Variants in BEGAIN observed in about 807,000 individuals in gnomAD.
The protein encoded by BEGAIN is brain enriched guanylate kinase associated.
A neutral mutation model predicts 35.8 loss-of-function variants in BEGAIN; 19 were observed. The observed-to-expected ratio is 0.53, with a 90% CI of 0.37 to 0.78. The LOEUF is 0.78. Among genes scored for constraint, BEGAIN ranks in the 30% least tolerant of loss-of-function variants. The pLI is 0.00. For missense variants in BEGAIN, 795 were observed against 853.6 expected, an observed-to-expected ratio of 0.93 and a Z score of 0.85; for synonymous variants, 462 against 388.6, an observed-to-expected ratio of 1.19 and a Z score of -2.22.
intron 3 of BEGAIN, 144 bp downstream of exon 3, chr14:100,546,356 GC>G (rs1183106875): frequency 1.6e-5 from 1 of 62,080 alleles, no homozygotes; most frequent in East Asian, 1.4e-4. Context: ...CCCTCGCCCC[GC>G]CCCGGCCCTC....
Position 100,538,172 on chromosome 14 carries a change from G to T in BEGAIN, c.1636C>A (p.Gln546Lys). ...EGGDGDRLGV[Q>K]LCGTASSPEP... Reference sequence around the variant, plus strand: ...GGGCTGCTGGCGGTCCCACACAGCTGCACCCCGAGCCTGTCCCCGTCCCCC... The same window carrying T: ...GGGCTGCTGGCGGTCCCACACAGCTTCACCCCGAGCCTGTCCCCGTCCCCC... The change falls in exon 7 of 7, where the codon CAG becomes AAG. Residue 546 changes from glutamine to lysine, a missense_variant. This residue lies in a region of BEGAIN where 664 missense variants were observed against 647.7 expected (regional missense o/e 1.03). Coordinates refer to ENST00000554140, the MANE Select transcript of BEGAIN (RefSeq NM_001385089.1). The T allele has an allele frequency of 6.5e-7, 1 of 1,531,608 alleles. No individual in the cohort carries two copies. Among genetic ancestry groups the T allele is most frequent in the South Asian group, 1.2e-5 (1 of 80,748 alleles). 94.9% of individuals were successfully genotyped at this position (1,531,608 alleles called of 1,614,324 possible). A position where few individuals can be genotyped will look rare whatever the true frequency, so the allele number is the denominator to read the frequency against.
At chr14:100,554,420 C>G (rs1398486860) in intron 2 of BEGAIN, among the ~76,000 whole-genome samples, 1 of 152,168 alleles carries the variant, frequency 6.6e-6, no homozygotes, top group Non-Finnish European at 1.5e-5. Context: ...CCTGGCCCCA[C>G]AGTGTCATGC....
intron 2 of BEGAIN, among the ~76,000 whole-genome samples, chr14:100,559,240 T>C (rs2034029377): frequency 6.6e-6 from 1 of 151,910 alleles, no homozygotes; most frequent in Admixed American, 6.6e-5. Context: ...CTGCCTGGGC[T>C]CCTCTTTCCC....
rs1294699530 is a variant in BEGAIN, at chr14:100,573,888, T to C, written c.43-5949A>G. 6.8e-6 allele frequency among the ~76,000 whole-genome samples: 1 copy of C among 147,942 alleles called. No homozygotes were observed. The highest frequency in any genetic ancestry group is 1.5e-5 in the Non-Finnish European group (1 of 66,824). ...GGGGCTGGGACAGAGCCCGGGACTC[T>C]GCCACTGTTGGGGATCAGGAGGTGA... On this transcript the variant is annotated intron_variant, in intron 1 of 6. Transcript: ENST00000554140. This position sits in a 1 kb window ranked among gnomAD's most constrained non-coding sequence, Gnocchi z 4.2.
intron 5 of BEGAIN, among the ~76,000 whole-genome samples, chr14:100,541,871 A>G (rs997512969): frequency 2.0e-5 from 3 of 152,118 alleles, no homozygotes; most frequent in African/African-American, 7.2e-5. Flanking sequence ...CTCACGGGAC[A>G]CTCTGGCAGA....
At chr14:100,574,865 A>T (rs2035169292) in intron 1 of BEGAIN, among the ~76,000 whole-genome samples, 1 of 152,198 alleles carries the variant, frequency 6.6e-6, no homozygotes, top group African/African-American at 2.4e-5. Context: ...GGGTGCTGTC[A>T]TGACCCCACC....
chr14:100,576,135 A>C (rs1257196603), intron 1 of BEGAIN, among the ~76,000 whole-genome samples: 1 of 152,034 alleles, frequency 6.6e-6, no homozygotes, highest in African/African-American at 2.4e-5. Context: ...GACCCTCGAG[A>C]TGCACTTCCA....
Position 100,571,372 on chromosome 14 carries a change from C to T in BEGAIN, c.43-3433G>A, listed in dbSNP as rs76576909. Among the ~76,000 whole-genome samples the T allele has an allele frequency of 6.5e-3, 990 of 152,292 alleles. 11 individuals carry two copies. Among genetic ancestry groups the T allele is most frequent in the African/African-American group, 0.023 (949 of 41,558 alleles). ...CTCCCAGCTGCCTCCCTCCCACCTA[C>T]TACTTCCTTTTCTTACTAGCGATGG... On this transcript the variant is annotated intron_variant, in intron 1 of 6. Coordinates refer to ENST00000554140, the MANE Select transcript of BEGAIN (RefSeq NM_001385089.1).
In BEGAIN at chr14:100,539,131, A is replaced by G. The variant is rs1392980214; in HGVS notation, c.677T>C (p.Leu226Pro). The G allele has an allele frequency of 6.2e-7, 1 of 1,605,084 alleles. No individual in the cohort carries two copies. The highest frequency in any genetic ancestry group is 8.5e-7 in the Non-Finnish European group (1 of 1,174,114). Residue 226 changes from leucine (L) to proline (P), a missense_variant, in exon 7 of 7, where the codon CTG (leucine) becomes CCG (proline). By Grantham distance (98) the Leu-to-Pro change is moderately conservative. Coordinates refer to ENST00000554140, the MANE Select transcript of BEGAIN (RefSeq NM_001385089.1). ...SRLSDASARD[L>P]AFCDGVEKPG... ...TTTCTCCACCCCGTCGCAGAAGGCCAGGTCGCGGGCGGAGGCATCGGACAG... is the reference window on the plus strand; with the variant it reads ...TTTCTCCACCCCGTCGCAGAAGGCCGGGTCGCGGGCGGAGGCATCGGACAG...
At chr14:100,571,006 T>G (rs986124547) in intron 1 of BEGAIN, among the ~76,000 whole-genome samples, 1 of 151,920 alleles carries the variant, frequency 6.6e-6, no homozygotes, top group African/African-American at 2.4e-5. Context: ...GTTCCCACTG[T>G]GAAGTGAGGG....
intron 2 of BEGAIN, among the ~76,000 whole-genome samples, chr14:100,553,719 C>T (rs2033428812): frequency 6.6e-6 from 1 of 152,206 alleles, no homozygotes; most frequent in Admixed American, 6.5e-5. Flanking sequence ...CTGAAGGTCC[C>T]TCTCTTCCTC....
rs2031009013 is a variant in BEGAIN, at chr14:100,538,656, G to C, written c.1152C>G (p.Ala384=). 6 of 1,550,186 alleles carry C rather than the reference G, an allele frequency of 3.9e-6. No homozygotes were observed. Among genetic ancestry groups the C allele is most frequent in the African/African-American group, 1.4e-5 (1 of 73,110 alleles). ...AVAAPLEAEV[A]PGFGRTMSPY... ...GTGACATGGTCCGCCCGAAGCCTGG[G>C]GCCACTTCGGCCTCCAGCGGGGCCG... Residue 384 remains alanine, a synonymous_variant, in exon 7 of 7, where the codon GCC becomes GCG. Coordinates refer to ENST00000554140, the MANE Select transcript of BEGAIN (RefSeq NM_001385089.1).
chr14:100,567,837 T>G lies in BEGAIN; in HGVS notation c.71+74A>C. On this transcript the variant is annotated intron_variant, in intron 2 of 6. Transcript: ENST00000554140. This position sits in a 1 kb window ranked among gnomAD's most constrained non-coding sequence, Gnocchi z 5.1. The stretch of plus-strand genomic sequence containing the variant: ...GGGATGCGCTCGGGTGGAGCCCCCT[T>G]CCCCCGCCTTCCCCAGCGCCCTCAC... 1 of 1,401,584 alleles carries G rather than the reference T, an allele frequency of 7.1e-7. No homozygotes were observed. Among genetic ancestry groups the G allele is most frequent in the African/African-American group, 1.5e-5 (1 of 65,024 alleles). 86.8% of individuals were successfully genotyped at this position (1,401,584 alleles called of 1,614,324 possible).
At chr14:100,572,123 G>A (rs7493817) in intron 1 of BEGAIN, among the ~76,000 whole-genome samples, 34,493 of 152,064 alleles carry the variant, frequency 0.23, 4,079 homozygotes, top group South Asian at 0.27. Flanking sequence ...AACACCATCC[G>A]CGTCCCTTCT....
intron 2 of BEGAIN, among the ~76,000 whole-genome samples, chr14:100,555,277 G>C (rs2033601662): frequency 1.3e-5 from 2 of 152,366 alleles, no homozygotes; most frequent in South Asian, 4.1e-4. Flanking sequence ...GGAAACCCGG[G>C]CTGGGTGGGC....
chr14:100,558,810 T>C lies in BEGAIN; in HGVS notation c.71+9101A>G, dbSNP rs1375067739. ...TTCAAGTGACTGCCGCACAGCCCCA[T>C]GGCAGTCTCAGCTACTCTCATCTGC... On this transcript the variant is annotated intron_variant, in intron 2 of 6. Transcript: ENST00000554140. This position sits in a 1 kb window ranked among gnomAD's most constrained non-coding sequence, Gnocchi z 4.6. 1.3e-5 allele frequency among the ~76,000 whole-genome samples: 2 copies of C among 152,160 alleles called. No individual in the cohort carries two copies. The highest frequency in any genetic ancestry group is 4.8e-5 in the African/African-American group (2 of 41,444).
At chr14:100,553,895 C>T (rs548971067) in intron 2 of BEGAIN, among the ~76,000 whole-genome samples, 1 of 152,278 alleles carries the variant, frequency 6.6e-6, no homozygotes, top group East Asian at 1.9e-4. Context: ...CCTGGCTCCC[C>T]ACTGCCCTAC....
At chr14:100,554,172 A>G (rs1444699690) in intron 2 of BEGAIN, among the ~76,000 whole-genome samples, 3 of 152,230 alleles carry the variant, frequency 2.0e-5, no homozygotes, top group Admixed American at 6.5e-5. Flanking sequence ...TGCTGAGGAC[A>G]TGGGAGCCCG....
In BEGAIN at chr14:100,574,804, C is replaced by T. The variant is rs147035703; in HGVS notation, c.43-6865G>A. 2.3e-4 allele frequency among the ~76,000 whole-genome samples: 35 copies of T among 152,236 alleles called. 1 individual carries two copies. The East Asian group carries it at 6.0e-3, about 26-fold the overall frequency. On this transcript the variant is annotated intron_variant, in intron 1 of 6. Transcript: ENST00000554140. The stretch of plus-strand genomic sequence containing the variant: ...AGTGACTTATTCAAGGTCACTCAGC[C>T]GGAAAGCCTCTCAGACAGGATCCAA...
Sources: gnomAD v4.1 joint callset for allele counts (sites outside exome capture counted in the v4.1 genomes callset) on GRCh38, gnomAD v4.1.1 for gene constraint, gnomAD v4.1.1 regional missense constraint, Gnocchi (gnomAD v3.1) non-coding constraint, MANE v1.5 for transcripts, NCBI Gene and HGNC (gene_info 2026-07-23, HGNC 2026-07-21) for gene names.